The following ZNF536 variants were observed in gnomAD, a reference collection of about 807,000 sequenced individuals.
ZNF536 encodes the protein zinc finger protein 536.
A neutral mutation model predicts 84.5 loss-of-function variants in ZNF536; 13 were observed. The observed-to-expected ratio is 0.15, with a 90% CI of 0.10 to 0.24. ZNF536 has a LOEUF of 0.24. Ranked by LOEUF, ZNF536 falls within the 10% of genes least tolerant of loss-of-function variation. The pLI, the probability that ZNF536 is intolerant of heterozygous loss-of-function variation, is 1.00. For synonymous variants in ZNF536, 811 were observed against 742.5 expected (o/e 1.09, Z -1.50); for missense variants, 1,536 against 1,747.5 (o/e 0.88, Z 2.16).
chr19:30,373,326 C>G (rs1444626460), intron 1 of ZNF536, among the ~76,000 whole-genome samples: 1 of 152,034 alleles, frequency 6.6e-6, no homozygotes, highest in Non-Finnish European at 1.5e-5. Context: ...CTGACTTGTC[C>G]CTGTGAGGTA....
At chr19:30,503,783 C>A (rs553465526) in intron 2 of ZNF536, among the ~76,000 whole-genome samples, 1 of 152,244 alleles carries the variant, frequency 6.6e-6, no homozygotes, top group South Asian at 2.1e-4. Context: ...AACTCTTTGC[C>A]TCCCTCTATT....
intron 1 of ZNF536, among the ~76,000 whole-genome samples, chr19:30,622,654 T>C (rs2048524731): frequency 6.6e-6 from 1 of 152,236 alleles, no homozygotes; most frequent in African/African-American, 2.4e-5. Flanking sequence ...GGATGCTTTT[T>C]ATATATGTTG....
upstream of ZNF536, among the ~76,000 whole-genome samples, chr19:30,226,939 T>C (rs1292836697): frequency 6.6e-6 from 1 of 150,938 alleles, no homozygotes; most frequent in African/African-American, 2.4e-5. This position sits in a 1 kb window ranked among gnomAD's most constrained non-coding sequence, Gnocchi z 4.6. Context: ...TTTTCGAAGA[T>C]GAATTGAGGA....
chr19:30,712,481 C>A (rs1257578132), exon 2 of ZNF536: 1 of 150,446 alleles, frequency 6.6e-6, no homozygotes, highest in Non-Finnish European at 1.5e-5. Flanking sequence ...ACAGATTAAA[C>A]CCCAGGGCCT....
At chr19:30,536,783 C>T (rs923304988) in intron 3 of ZNF536, among the ~76,000 whole-genome samples, 1 of 152,170 alleles carries the variant, frequency 6.6e-6, no homozygotes, top group Non-Finnish European at 1.5e-5. Flanking sequence ...TGGGCATAGA[C>T]AAAGTGGAAG....
At chr19:30,691,327 G>A (rs1347620808) in intron 1 of ZNF536, among the ~76,000 whole-genome samples, 2 of 152,108 alleles carry the variant, frequency 1.3e-5, no homozygotes, top group South Asian at 2.1e-4. Context: ...GCGGCCAGGG[G>A]ACAAGCCCGT....
At chr19:30,693,024 G>T (rs936545569) in intron 1 of ZNF536, among the ~76,000 whole-genome samples, 3 of 125,864 alleles carry the variant, frequency 2.4e-5, no homozygotes, top group African/African-American at 6.1e-5. Context: ...ACCTGGGGGG[G>T]AGAGAGAGAG....
At chr19:30,590,963 T>C (rs1239010832) in intron 1 of ZNF536, among the ~76,000 whole-genome samples, 1 of 152,260 alleles carries the variant, frequency 6.6e-6, no homozygotes, top group African/African-American at 2.4e-5. Context: ...CAAGGACTTC[T>C]GGTGTGGCCT....
At chr19:30,309,499 G>A (rs1041423172) in intron 2 of ZNF536, among the ~76,000 whole-genome samples, 2 of 152,144 alleles carry the variant, frequency 1.3e-5, no homozygotes, top group Non-Finnish European at 2.9e-5. Flanking sequence ...ACAGTTGTGC[G>A]GCTGAAAAGG....
At chr19:30,525,675 T>C (rs2044544876) in intron 2 of ZNF536, among the ~76,000 whole-genome samples, 1 of 152,034 alleles carries the variant, frequency 6.6e-6, no homozygotes, top group African/African-American at 2.4e-5. Flanking sequence ...TCAGAGACAA[T>C]CTCTCTCAGA....
At chr19:30,227,432 G>T (rs964747719), upstream of ZNF536, among the ~76,000 whole-genome samples, 8 of 152,224 alleles carry the variant, frequency 5.3e-5, no homozygotes, top group Non-Finnish European at 1.2e-4. Context: ...AGCAGGGCGG[G>T]GTCTCAGCCC....
Position 30,658,150 on chromosome 19 carries a change from C to A in ZNF536, c.170-52607C>A, listed in dbSNP as rs114386439. On this transcript the variant is annotated intron_variant, in intron 1 of 1. Transcript: ENST00000592773. The stretch of plus-strand genomic sequence containing the variant: ...CGATTCTCCTGCCTCACCTTCTGAG[C>A]AGCTGGGACTACAAGTGTGCATCAC... Among the ~76,000 whole-genome samples, 549 of 152,018 alleles carry A rather than the reference C, an allele frequency of 3.6e-3. 4 individuals are homozygous for A. The highest frequency in any genetic ancestry group is 0.013 in the African/African-American group (520 of 41,484).
chr19:30,598,727 C>T (rs2047552562), intron 1 of ZNF536, among the ~76,000 whole-genome samples: 3 of 152,130 alleles, frequency 2.0e-5, no homozygotes. Context: ...GAAAAACCAA[C>T]AGGCTCTAAT....
chr19:30,601,766 G>A (rs535320307), intron 1 of ZNF536, among the ~76,000 whole-genome samples: 18 of 152,284 alleles, frequency 1.2e-4, no homozygotes, highest in Non-Finnish European at 2.2e-4. Context: ...GGTCTGGGAC[G>A]GGTATGTCCT....
intron 1 of ZNF536, among the ~76,000 whole-genome samples, chr19:30,688,825 G>C (rs2051298016): frequency 6.6e-6 from 1 of 152,320 alleles, no homozygotes; most frequent in African/African-American, 2.4e-5. Context: ...TTGGGGCTAA[G>C]CTCAGAGCAT....
At chr19:30,667,108 C>G (rs1365631895) in intron 1 of ZNF536, among the ~76,000 whole-genome samples, 1 of 152,156 alleles carries the variant, frequency 6.6e-6, no homozygotes, top group African/African-American at 2.4e-5. Flanking sequence ...GCCCTCTTGT[C>G]TAAACTAACC....
At chr19:30,609,013 G>A (rs537682898) in intron 1 of ZNF536, among the ~76,000 whole-genome samples, 1 of 152,264 alleles carries the variant, frequency 6.6e-6, no homozygotes, top group South Asian at 2.1e-4. Context: ...CTCTCATCTT[G>A]GCTTGTTCAC....
chr19:30,692,306 A>G (rs1256026615), intron 1 of ZNF536, among the ~76,000 whole-genome samples: 1 of 152,232 alleles, frequency 6.6e-6, no homozygotes, highest in Non-Finnish European at 1.5e-5. Flanking sequence ...GCAAATCACA[A>G]GCATTCTGCA....
intron 2 of ZNF536, among the ~76,000 whole-genome samples, chr19:30,336,811 T>G (rs1437130680): frequency 6.6e-6 from 1 of 152,204 alleles, no homozygotes; most frequent in East Asian, 1.9e-4. Context: ...TTTTTTCATA[T>G]TCAATTATGA....
Sources: allele counts gnomAD v4.1 joint callset (sites outside exome capture counted in the v4.1 genomes callset), GRCh38; gene constraint gnomAD v4.1.1; non-coding constraint Gnocchi (gnomAD v3.1); transcripts MANE v1.5; gene names NCBI Gene and HGNC (gene_info 2026-07-23, HGNC 2026-07-21).